The following SETD9 variants were observed in gnomAD, a reference collection of about 807,000 sequenced individuals.
SETD9 encodes SET domain containing 9.
In SETD9, 37 loss-of-function variants were observed where a neutral mutation model predicts 36.4. That is an observed-to-expected ratio of 1.02 (90% confidence interval 0.78 to 1.34). The LOEUF (loss-of-function observed/expected upper bound fraction) is 1.34, where lower values mean the gene tolerates loss of function less well. Among genes scored for constraint, SETD9 ranks in the 40% most tolerant of loss-of-function variants. The probability of loss-of-function intolerance (pLI) is 0.00; values close to 1 mark genes in which losing one functional copy is unlikely to be tolerated. For missense variants in SETD9, 323 were observed against 353.2 expected, an observed-to-expected ratio of 0.91 and a Z score of 0.69; for synonymous variants, 128 against 132.9, an observed-to-expected ratio of 0.96 and a Z score of 0.26.
In SETD9 at chr5:56,923,526, TATC is replaced by T. The variant is rs749813879; in HGVS notation, c.813-1803_813-1801del. Reference sequence around the variant, plus strand: ...GGTGTGTTGCCCAGTGGAGGAAAGCTATCATCCAAACAATTCACATCTGTGGGG... The same window carrying T: ...GGTGTGTTGCCCAGTGGAGGAAAGCTATCCAAACAATTCACATCTGTGGGG... On this transcript the variant is annotated intron_variant, in intron 5 of 5. Transcript: ENST00000628593. 1.3e-5 allele frequency: 21 copies of T among 1,614,178 alleles called. No homozygotes were observed. The East Asian group carries it at 4.7e-4, about 36-fold the overall frequency.
intron 5 of SETD9, among the ~76,000 whole-genome samples, chr5:56,924,543 G>A (rs1749863466): frequency 6.6e-6 from 1 of 152,218 alleles, no homozygotes; most frequent in Non-Finnish European, 1.5e-5. Context: ...TTCCAAAAGA[G>A]ATTAAGAACC....
chr5:56,925,721 A>G (rs1218085334), downstream of SETD9, among the ~76,000 whole-genome samples: 1 of 152,196 alleles, frequency 6.6e-6, no homozygotes, highest in African/African-American at 2.4e-5. Flanking sequence ...TCAAAATCCC[A>G]GCAAGTTATT....
Position 56,911,417 on chromosome 5 carries a change from T to G in SETD9, c.347T>G (p.Leu116Arg). ...QQSTFKPEEI[L>R]YKTLGFSVAQ... ...AGTACCTTTAAACCAGAAGAAATTC[T>G]TTACAAGACTTTGGGTTTCAGTGTT... Residue 116 changes from leucine (L) to arginine (R), a missense_variant, in exon 2 of 6, where the codon CTT becomes CGT. Transcript: ENST00000285947. The G allele has an allele frequency of 1.2e-6, 2 of 1,613,744 alleles. No individual in the cohort carries two copies. Among genetic ancestry groups the G allele is most frequent in the Non-Finnish European group, 1.7e-6 (2 of 1,179,890 alleles).
chr5:56,918,992 G>A (rs1230981348), downstream of SETD9, among the ~76,000 whole-genome samples: 1 of 152,148 alleles, frequency 6.6e-6, no homozygotes, highest in African/African-American at 2.4e-5. Context: ...AATGTAGTCT[G>A]TCAAATAATA....
At position 56,911,442 on chromosome 5, in the gene SETD9, T is replaced by C; in HGVS notation, c.372T>C (p.Val124=). ...TTTACAAGACTTTGGGTTTCAGTGT[T>C]GCCCAAGCAACTAGCTCATTGATTT... ...EILYKTLGFS[V]AQATSSLISA... Residue 124 remains valine, a synonymous_variant, in exon 2 of 6, where the codon GTT becomes GTC. Coordinates refer to ENST00000285947, the MANE Select transcript of SETD9 (RefSeq NM_153706.4). 3.1e-6 allele frequency: 5 copies of C among 1,612,914 alleles called. No homozygotes were observed. The highest frequency in any genetic ancestry group is 3.4e-6 in the Non-Finnish European group (4 of 1,179,696).
rs1179155431 is a variant in SETD9, at chr5:56,913,053, T to A, written c.509T>A (p.Ile170Asn). The change falls in exon 3 of 6, where the codon ATT becomes AAT. Residue 170 changes from isoleucine to asparagine, a missense_variant. Coordinates refer to ENST00000285947, the MANE Select transcript of SETD9 (RefSeq NM_153706.4). ...TATGAGCCGATCTTTTTCCAGTCCA[T>A]TGGAAATCCGTTTATTTTTAGATGC... ...QKYEPIFFQS[I>N]GNPFIFRCLD... 1 of 1,613,750 alleles carries A rather than the reference T, an allele frequency of 6.2e-7. No homozygotes were observed. The highest frequency in any genetic ancestry group is 1.3e-5 in the African/African-American group (1 of 74,898).
upstream of SETD9, chr5:56,909,494 G>A: frequency 1.8e-6 from 1 of 559,292 alleles, no homozygotes; most frequent in South Asian, 2.4e-5. Flanking sequence ...CGAAGCCCCA[G>A]AGCAACAGAA....
intron 4 of SETD9, among the ~76,000 whole-genome samples, chr5:56,914,572 G>C (rs1184049199): frequency 6.6e-6 from 1 of 151,798 alleles, no homozygotes; most frequent in Non-Finnish European, 1.5e-5. Flanking sequence ...TATGTTGGTA[G>C]ATATTATCTA....
At chr5:56,911,021 A>T (rs543831159) in intron 1 of SETD9, 148 bp from the exon 2 acceptor site, 3 of 895,832 alleles carry the variant, frequency 3.3e-6, no homozygotes, top group Admixed American at 3.2e-5. Context: ...ACTCCCTCAA[A>T]CAATTCTTTT....
intron 1 of SETD9, chr5:56,910,588 C>A (rs1203082124): frequency 4.5e-5 from 15 of 330,404 alleles, no homozygotes; most frequent in South Asian, 3.5e-4. Flanking sequence ...GGAATTACAA[C>A]CTTTTTGTTC....
downstream of SETD9, among the ~76,000 whole-genome samples, chr5:56,919,232 T>C (rs1207656802): frequency 6.6e-6 from 1 of 151,340 alleles, no homozygotes; most frequent in Non-Finnish European, 1.5e-5. Flanking sequence ...TTCAAGCAAT[T>C]TTCCTGCCTC....
chr5:56,915,778 A>C (rs1749394818), intron 5 of SETD9, among the ~76,000 whole-genome samples: 1 of 152,100 alleles, frequency 6.6e-6, no homozygotes, highest in Admixed American at 6.5e-5. Flanking sequence ...AGCCCAGACA[A>C]CATGACAAAA....
chr5:56,911,819 A>C (rs1749145264), intron 2 of SETD9, among the ~76,000 whole-genome samples: 1 of 152,206 alleles, frequency 6.6e-6, no homozygotes, highest in Non-Finnish European at 1.5e-5. Flanking sequence ...ACTTTGACAA[A>C]TTACTTAAAA....
At chr5:56,915,334 G>A (rs1180236485) in intron 5 of SETD9, among the ~76,000 whole-genome samples, 2 of 152,010 alleles carry the variant, frequency 1.3e-5, no homozygotes, top group Non-Finnish European at 2.9e-5. Flanking sequence ...TCCAATTGAA[G>A]AAAGAGGCCA....
At chr5:56,924,153 ATAT>A in intron 5 of SETD9, 1 of 1,059,204 alleles carries the variant, frequency 9.4e-7, no homozygotes, top group Non-Finnish European at 1.4e-6. Flanking sequence ...TTTTCCCATT[ATAT>A]AGTTCTGAAC....
intron 2 of SETD9, among the ~76,000 whole-genome samples, chr5:56,911,931 C>G (rs190143491): frequency 6.6e-5 from 10 of 152,058 alleles, no homozygotes; most frequent in Non-Finnish European, 1.3e-4. Context: ...GAGGCCGAGG[C>G]GGGCAGATCG....
intron 5 of SETD9, chr5:56,923,420 T>C (rs754117997): frequency 1.2e-6 from 2 of 1,614,190 alleles, no homozygotes; most frequent in Non-Finnish European, 1.7e-6. Flanking sequence ...CTCAAATAAA[T>C]TAAAACAATC....
Position 56,913,008 on chromosome 5 carries a change from T to C in SETD9, c.467-3T>C. Reference sequence around the variant, plus strand: ...CATATTTCTTTGTCTTGTTGTGTAATAGGTACAGTATATCAGAAGTATGAG... The same window carrying C: ...CATATTTCTTTGTCTTGTTGTGTAACAGGTACAGTATATCAGAAGTATGAG... On this transcript the variant is annotated splice_polypyrimidine_tract_variant and splice_region_variant and intron_variant, in intron 2 of 5. Coordinates refer to ENST00000285947, the MANE Select transcript of SETD9 (RefSeq NM_153706.4). The C allele has an allele frequency of 6.2e-7, 1 of 1,612,592 alleles. No homozygotes were observed. The highest frequency in any genetic ancestry group is 8.5e-7 in the Non-Finnish European group (1 of 1,179,336).
chr5:56,914,785 A>G (rs1455467193), intron 4 of SETD9, 76 bp from the exon 5 acceptor site: 2 of 945,922 alleles, frequency 2.1e-6, no homozygotes, highest in Admixed American at 4.7e-5. Context: ...ACAGACATTG[A>G]GTGTCATAAT....
Sources: gnomAD v4.1 joint callset for allele counts (sites outside exome capture counted in the v4.1 genomes callset) on GRCh38, gnomAD v4.1.1 for gene constraint, MANE v1.5 for transcripts, NCBI Gene and HGNC (gene_info 2026-07-23, HGNC 2026-07-21) for gene names.